Variants in REV3L observed in about 807,000 individuals in gnomAD.
REV3L encodes REV3 like, DNA directed polymerase zeta catalytic subunit, also known as DNA polymerase zeta catalytic subunit.
Under a neutral mutation model 299.4 loss-of-function variants are expected in REV3L, and 69 were observed. The observed-to-expected ratio is 0.23, with a 90% CI of 0.19 to 0.28. The LOEUF (loss-of-function observed/expected upper bound fraction) is 0.28, where lower values mean the gene tolerates loss of function less well. Ranked by LOEUF, REV3L falls within the 10% of genes least tolerant of loss-of-function variation. The probability of loss-of-function intolerance (pLI) is 1.00; values close to 1 mark genes in which losing one functional copy is unlikely to be tolerated. For missense variants in REV3L, 3,128 were observed against 3,693.8 expected (o/e 0.85, Z 3.97); for synonymous variants, 1,238 against 1,271.4 (o/e 0.97, Z 0.56).
chr6:111,368,729 C>A (rs1161124761), intron 13 of REV3L, among the ~76,000 whole-genome samples: 1 of 152,092 alleles, frequency 6.6e-6, no homozygotes, highest in Non-Finnish European at 1.5e-5. Flanking sequence ...TAAGTGAAAC[C>A]TCTGTCTTTC....
At chr6:111,453,336 T>C (rs527780723) in intron 1 of REV3L, among the ~76,000 whole-genome samples, 1 of 152,214 alleles carries the variant, frequency 6.6e-6, no homozygotes, top group Admixed American at 6.5e-5. Flanking sequence ...TCAACTGGGT[T>C]TGCAATTATG....
In REV3L at chr6:111,353,233, T is replaced by C. The variant is rs189714587; in HGVS notation, c.7185-1442A>G. Among the ~76,000 whole-genome samples, 18 of 152,326 alleles carry C rather than the reference T, an allele frequency of 1.2e-4. No individual in the cohort carries two copies. The East Asian group carries it at 2.7e-3, about 23-fold the overall frequency. On this transcript the variant is annotated intron_variant, in intron 18 of 31. Transcript: ENST00000368802. Reference sequence around the variant, plus strand: ...GCAAGTCTGGCATAACAATGGATCATGACCAGATCACCAGATCTGCTTTTA... The same window carrying C: ...GCAAGTCTGGCATAACAATGGATCACGACCAGATCACCAGATCTGCTTTTA...
chr6:111,479,772 A>G (rs901501052), intron 1 of REV3L, among the ~76,000 whole-genome samples: 1 of 152,100 alleles, frequency 6.6e-6, no homozygotes, highest in Non-Finnish European at 1.5e-5. Flanking sequence ...CTGTCTTCCA[A>G]AGTGTTGGGA....
intron 1 of REV3L, among the ~76,000 whole-genome samples, chr6:111,447,918 C>T (rs1361626922): frequency 6.6e-6 from 1 of 152,140 alleles, no homozygotes; most frequent in African/African-American, 2.4e-5. Flanking sequence ...TATTGAGACT[C>T]AACTTCCTAA....
chr6:111,333,016 T>G, intron 23 of REV3L, 107 bp downstream of exon 23: 1 of 1,305,620 alleles, frequency 7.7e-7, no homozygotes, highest in Non-Finnish European at 1.1e-6. Flanking sequence ...CCATTTATCT[T>G]GCTCATAGGG....
At chr6:111,353,461 A>G (rs1405398716) in intron 18 of REV3L, among the ~76,000 whole-genome samples, 1 of 152,326 alleles carries the variant, frequency 6.6e-6, no homozygotes, top group East Asian at 1.9e-4. Context: ...AAATTTTCCT[A>G]TTCCCTAAAG....
At chr6:111,342,261 G>A (rs1294408436) in intron 21 of REV3L, among the ~76,000 whole-genome samples, 1 of 152,094 alleles carries the variant, frequency 6.6e-6, no homozygotes, top group East Asian at 1.9e-4. Context: ...AATGCTATCT[G>A]CCCCAGGGGG....
In REV3L at chr6:111,473,057, A is replaced by T. The variant is rs1004118666; in HGVS notation, c.139+9693T>A. Among the ~76,000 whole-genome samples, 7 of 152,206 alleles carry T rather than the reference A, an allele frequency of 4.6e-5. No individual in the cohort carries two copies. In the East Asian group the frequency reaches 1.3e-3, roughly 29 times the overall value. Reference sequence around the variant, plus strand: ...ATTATTTCCTCTTATTATCACTATGATGTTAAAATGGCAGCCAGATACCAG... The same window carrying T: ...ATTATTTCCTCTTATTATCACTATGTTGTTAAAATGGCAGCCAGATACCAG... On this transcript the variant is annotated intron_variant, in intron 1 of 31. Coordinates refer to ENST00000368802, the MANE Select transcript of REV3L (RefSeq NM_001372078.1).
chr6:111,353,226 T>C (rs934024077), intron 18 of REV3L, among the ~76,000 whole-genome samples: 2 of 152,220 alleles, frequency 1.3e-5, no homozygotes, highest in African/African-American at 2.4e-5. Context: ...GGCATAACAA[T>C]GGATCATGAC....
chr6:111,318,352 G>A (rs965799665), intron 26 of REV3L, among the ~76,000 whole-genome samples: 24 of 151,842 alleles, frequency 1.6e-4, no homozygotes, highest in South Asian at 4.2e-4. Context: ...GTTTCACCGT[G>A]TTAGCCAGGA....
chr6:111,439,407 T>G (rs1465102908), intron 1 of REV3L, among the ~76,000 whole-genome samples: 1 of 152,144 alleles, frequency 6.6e-6, no homozygotes, highest in Non-Finnish European at 1.5e-5. Flanking sequence ...ACTTGGTGGC[T>G]GGCCATCAGA....
At chr6:111,405,690 C>T in intron 3 of REV3L, 60 bp from the exon 4 acceptor site, 1 of 1,158,778 alleles carries the variant, frequency 8.6e-7, no homozygotes, top group Non-Finnish European at 1.3e-6. Context: ...TTAAATGAAA[C>T]AATGATTATA....
rs1460239897 is a variant in REV3L, at chr6:111,311,053, C to T, written c.8795+16G>A. The T allele has an allele frequency of 1.9e-6, 3 of 1,602,348 alleles. No individual in the cohort carries two copies. The highest frequency in any genetic ancestry group is 2.7e-5 in the African/African-American group (2 of 74,392). ...ATCTCAGGACTATCCTGGCAAGGTA[C>T]TGAGGGTATCATTACCTTGTAAGTT... On this transcript the variant is annotated intron_variant, in intron 29 of 31. Coordinates refer to ENST00000368802, the MANE Select transcript of REV3L (RefSeq NM_001372078.1).
chr6:111,422,016 A>G (rs546103148), intron 1 of REV3L, among the ~76,000 whole-genome samples: 1 of 152,298 alleles, frequency 6.6e-6, no homozygotes, highest in African/African-American at 2.4e-5. Flanking sequence ...ATCTATTCTC[A>G]TGGAAAAAGA....
At chr6:111,404,033 C>T (rs1269175228) in intron 4 of REV3L, among the ~76,000 whole-genome samples, 1 of 152,136 alleles carries the variant, frequency 6.6e-6, no homozygotes, top group Admixed American at 6.6e-5. Context: ...AAGGTGGATA[C>T]ACTAAATAAC....
rs1189344470 is a variant in REV3L at position 111,304,971 on chromosome 6, C to T, written c.9252+2390G>A. On this transcript the variant is annotated intron_variant, in intron 31 of 31. Transcript: ENST00000368802. ...TTTTTTTTTTTTTGAGACAGAGTTT[C>T]GCTCTTGTTCCCCAGGCTGGAGTGC... Among the ~76,000 whole-genome samples, 9 of 144,568 alleles carry T rather than the reference C, an allele frequency of 6.2e-5. No homozygotes were observed. In the South Asian group the frequency reaches 6.5e-4, roughly 10 times the overall value. 94.8% of individuals were successfully genotyped at this position (144,568 alleles called of 152,430 possible). A position where few individuals can be genotyped will look rare whatever the true frequency, so the allele number is the denominator to read the frequency against.
intron 31 of REV3L, among the ~76,000 whole-genome samples, chr6:111,305,303 A>G (rs1420597088): frequency 2.0e-5 from 3 of 152,176 alleles, no homozygotes; most frequent in Admixed American, 1.3e-4. Flanking sequence ...TTTATAAGAA[A>G]TAAGATGGCC....
At chr6:111,311,408 T>C in intron 28 of REV3L, 149 bp from the exon 29 acceptor site, 1 of 494,418 alleles carries the variant, frequency 2.0e-6, no homozygotes, top group Non-Finnish European at 3.4e-6. Flanking sequence ...AATAAAATTA[T>C]TAAAAATTGA....
chr6:111,394,369 G>A (rs1782251810), intron 4 of REV3L, among the ~76,000 whole-genome samples: 1 of 152,128 alleles, frequency 6.6e-6, no homozygotes, highest in Admixed American at 6.5e-5. Context: ...GTTTTGATTT[G>A]CATCTCCCTG....
Sources: gnomAD v4.1 joint callset for allele counts (sites outside exome capture counted in the v4.1 genomes callset) on GRCh38, gnomAD v4.1.1 for gene constraint, MANE v1.5 for transcripts, NCBI Gene and HGNC (gene_info 2026-07-23, HGNC 2026-07-21) for gene names.